The following MIER2 variants were observed in gnomAD, a reference collection of about 807,000 sequenced individuals.
MIER2 encodes mesoderm induction early response protein 2.
Under a neutral mutation model 67.6 loss-of-function variants are expected in MIER2, and 30 were observed. The observed-to-expected ratio is 0.44, with a 90% confidence interval of 0.33 to 0.60. The LOEUF is 0.60. Ranked by LOEUF, MIER2 falls within the 20% of genes least tolerant of loss-of-function variation. The pLI is 0.02. For synonymous variants in MIER2, 372 were observed against 312.6 expected (o/e 1.19, Z -2.00); for missense variants, 702 against 745.1 (o/e 0.94, Z 0.67).
chr19:312,049 C>A (rs1012399227), intron 9 of MIER2, 110 bp from the exon 10 acceptor site: 4 of 1,236,274 alleles, frequency 3.2e-6, no homozygotes, highest in Non-Finnish European at 4.5e-6. Flanking sequence ...GGGGCCGCAG[C>A]GGAAGGAAGG....
At chr19:335,022 C>T (rs948601336) in intron 2 of MIER2, among the ~76,000 whole-genome samples, 1 of 152,202 alleles carries the variant, frequency 6.6e-6, no homozygotes, top group Non-Finnish European at 1.5e-5. Flanking sequence ...ACACCAGTCC[C>T]TTAAGCTCCG....
In MIER2 at chr19:306,641, G is replaced by GGCA. The variant is rs1367581141; in HGVS notation, c.*46_*48dup. On this transcript the variant is annotated 3_prime_UTR_variant, in exon 14 of 14. Transcript: ENST00000264819. ...GAAGACTGACAGAGGCGGGCCCAGC[G>GGCA]GCAGCGCTAAGTCCAGTCTGGGCCG... is the stretch of plus-strand genomic sequence containing the variant. The GGCA allele has an allele frequency of 1.3e-6, 2 of 1,549,808 alleles. No individual in the cohort carries two copies. The highest frequency in any genetic ancestry group is 2.7e-5 in the African/African-American group (2 of 73,030).
At chr19:311,708 A>G (rs72984427) in intron 10 of MIER2, 137 bp downstream of exon 10, 71,927 of 744,466 alleles carry the variant, frequency 0.097, 4,554 homozygotes, top group African/African-American at 0.23. Flanking sequence ...GAAGACAGCA[A>G]TGGGCACACG....
intron 7 of MIER2, among the ~76,000 whole-genome samples, chr19:319,608 G>C (rs1394486624): frequency 1.3e-5 from 2 of 152,188 alleles, no homozygotes; most frequent in East Asian, 3.9e-4. Context: ...ACAGTTGCGT[G>C]CCACCACGCT....
chr19:334,605 G>C, intron 2 of MIER2, 63 bp from the exon 3 acceptor site: 1 of 1,573,478 alleles, frequency 6.4e-7, no homozygotes, highest in Non-Finnish European at 8.6e-7. Flanking sequence ...ATCCTGCCGA[G>C]ACTACTGACG....
chr19:309,718 A>G, intron 10 of MIER2, among the ~76,000 whole-genome samples: 1 of 123,418 alleles, frequency 8.1e-6, no homozygotes, highest in African/African-American at 3.4e-5. Flanking sequence ...ACACACGCAC[A>G]CAAGGCTTCA....
chr19:337,870 C>CCAA (rs1161369821), intron 1 of MIER2, among the ~76,000 whole-genome samples: 1 of 37,152 alleles, frequency 2.7e-5, no homozygotes, highest in African/African-American at 1.7e-4. Flanking sequence ...CTCCATCTCA[C>CCAA]AAAAAAAAAA....
intron 1 of MIER2, among the ~76,000 whole-genome samples, chr19:339,357 C>T (rs930337957): frequency 3.9e-5 from 6 of 152,140 alleles, no homozygotes; most frequent in African/African-American, 1.4e-4. Flanking sequence ...AAAAGATACT[C>T]AATGTAATAT....
Position 307,454 on chromosome 19 carries a change from C to A in MIER2, c.1281G>T (p.Gly427=). The change falls in exon 13 of 14, where the codon GGG becomes GGT. Residue 427 remains glycine, a synonymous_variant. Coordinates refer to ENST00000264819, the MANE Select transcript of MIER2 (RefSeq NM_017550.3). ...ASDGLPSSEP[G]PCSFQQLDES... ...CATCCAGCTGCTGGAAGGAACACGG[C>A]CCTGGCTCCGAGGACGGGAGTCCAT... 1 of 1,576,206 alleles carries A rather than the reference C, an allele frequency of 6.3e-7. No homozygotes were observed. Among genetic ancestry groups the A allele is most frequent in the Admixed American group, 1.8e-5 (1 of 56,500 alleles).
chr19:315,963 G>T (rs1971219504), intron 7 of MIER2, among the ~76,000 whole-genome samples: 4 of 152,232 alleles, frequency 2.6e-5, no homozygotes. Flanking sequence ...AGGGCACAAT[G>T]ACTTCAGAAG....
chr19:319,369 C>T (rs1020258814), intron 7 of MIER2, among the ~76,000 whole-genome samples: 22 of 152,148 alleles, frequency 1.4e-4, no homozygotes, highest in Admixed American at 9.8e-4. Context: ...CACACACACA[C>T]ACAAAAAGTA....
intron 10 of MIER2, among the ~76,000 whole-genome samples, chr19:311,037 A>G (rs8100665): frequency 0.49 from 74,014 of 152,142 alleles, 19,401 homozygotes; most frequent in East Asian, 0.67. Context: ...CAATGTCCTG[A>G]GCCGTACAAC....
rs750719634 is a variant in MIER2 at position 306,715 on chromosome 19, C to A, written c.1617-4G>T. On this transcript the variant is annotated splice_region_variant and splice_polypyrimidine_tract_variant and intron_variant, in intron 13 of 13. Coordinates refer to ENST00000264819, the MANE Select transcript of MIER2 (RefSeq NM_017550.3). ...TCAGCAGGTCATCACGTTACAGCTG[C>A]AGGGGAGAGACCAAGAGAGACGCAG... 1 of 1,560,308 alleles carries A rather than the reference C, an allele frequency of 6.4e-7. No homozygotes were observed. Among genetic ancestry groups the A allele is most frequent in the South Asian group, 1.2e-5 (1 of 84,542 alleles).
At chr19:314,867 A>T (rs1025270320) in intron 7 of MIER2, among the ~76,000 whole-genome samples, 1 of 150,916 alleles carries the variant, frequency 6.6e-6, no homozygotes, top group African/African-American at 2.4e-5. Flanking sequence ...AGGTGGGAGG[A>T]TCGGTTGAGG....
chr19:317,542 A>ATAAATAAATAAG (rs1364793587), intron 7 of MIER2, among the ~76,000 whole-genome samples: 2 of 144,480 alleles, frequency 1.4e-5, no homozygotes, highest in East Asian at 3.9e-4. Context: ...AAATAAATAA[A>ATAAATAAATAAG]TAAATAAATA....
intron 10 of MIER2, among the ~76,000 whole-genome samples, chr19:310,305 C>T (rs939148015): frequency 3.9e-5 from 6 of 152,240 alleles, no homozygotes; most frequent in Non-Finnish European, 7.3e-5. Context: ...GCGAGAACAA[C>T]GTGGGGTCCT....
chr19:311,765 C>T lies in MIER2; in HGVS notation c.984+80G>A, dbSNP rs990859118. 1.5e-5 allele frequency: 21 copies of T among 1,379,876 alleles called. No individual in the cohort carries two copies. The African/African-American group carries it at 2.1e-4, about 14-fold the overall frequency. 85.5% of individuals were successfully genotyped at this position (1,379,876 alleles called of 1,614,324 possible). A position where few individuals can be genotyped will look rare whatever the true frequency, so the allele number is the denominator to read the frequency against. ...ACGGGGCTCCAGGCCTCCAGTCGGC[C>T]GTGTGCTGTGTGCCTGCGGACCCTG... On this transcript the variant is annotated intron_variant, in intron 10 of 13. Transcript: ENST00000264819.
At chr19:313,937 G>A (rs1408628415) in intron 7 of MIER2, among the ~76,000 whole-genome samples, 3 of 152,166 alleles carry the variant, frequency 2.0e-5, no homozygotes, top group African/African-American at 7.2e-5. Context: ...TCCAGCCAAG[G>A]GGTCAGAGGA....
chr19:334,263 A>T, intron 3 of MIER2, 137 bp downstream of exon 3: 1 of 1,265,016 alleles, frequency 7.9e-7, no homozygotes, highest in Non-Finnish European at 1.1e-6. Flanking sequence ...TTCAGCTACT[A>T]GGACAGCATC....
Sources: allele counts gnomAD v4.1 joint callset (sites outside exome capture counted in the v4.1 genomes callset), GRCh38; gene constraint gnomAD v4.1.1; transcripts MANE v1.5; gene names NCBI Gene and HGNC (gene_info 2026-07-23, HGNC 2026-07-21).